STPG2: variants seen among roughly 807,000 people sequenced by gnomAD.
The protein encoded by STPG2 is sperm-tail PG-rich repeat-containing protein 2.
In STPG2, 56 loss-of-function variants were observed where a neutral mutation model predicts 54.2. That is an observed-to-expected ratio of 1.03 (90% CI 0.83 to 1.29). The LOEUF (loss-of-function observed/expected upper bound fraction) is 1.29. Among genes scored for constraint, STPG2 ranks in the 50% most tolerant of loss-of-function variants. The probability of loss-of-function intolerance (pLI) is 0.00; values close to 1 mark genes in which losing one functional copy is unlikely to be tolerated. For synonymous variants in STPG2, 200 were observed against 181.8 expected, an observed-to-expected ratio of 1.10 and a Z score of -0.81; for missense variants, 596 against 544.9, an observed-to-expected ratio of 1.09 and a Z score of -0.93.
intron 8 of STPG2, among the ~76,000 whole-genome samples, chr4:97,935,402 T>A (rs763702984): frequency 2.6e-5 from 4 of 152,162 alleles, no homozygotes; most frequent in Non-Finnish European, 5.9e-5. Context: ...CTGATCTTAG[T>A]TATTTCTTGT....
intron 10 of STPG2, among the ~76,000 whole-genome samples, chr4:97,624,008 T>C (rs1352987907): frequency 1.3e-5 from 2 of 152,210 alleles, no homozygotes; most frequent in Non-Finnish European, 2.9e-5. Flanking sequence ...ATGGTATATA[T>C]GTACCACATT....
chr4:97,821,136 T>TCAAAAA (rs1728078206), intron 9 of STPG2, among the ~76,000 whole-genome samples: 2 of 152,284 alleles, frequency 1.3e-5, no homozygotes, highest in African/African-American at 4.8e-5. Flanking sequence ...AGGTAGTTAC[T>TCAAAAA]TTAAAGGTAC....
At chr4:97,565,155 A>T (rs1033844974) in intron 10 of STPG2, among the ~76,000 whole-genome samples, 1 of 151,502 alleles carries the variant, frequency 6.6e-6, no homozygotes, top group Non-Finnish European at 1.5e-5. Context: ...TTTTCTCTAA[A>T]CTTCCCTTCT....
chr4:97,735,705 A>C (rs1317327189), intron 9 of STPG2, among the ~76,000 whole-genome samples: 2 of 150,820 alleles, frequency 1.3e-5, no homozygotes, highest in Non-Finnish European at 2.9e-5. Context: ...ATATATAAGG[A>C]TATGTGTATA....
chr4:97,688,150 T>A (rs1455497296), intron 10 of STPG2, among the ~76,000 whole-genome samples: 1 of 152,072 alleles, frequency 6.6e-6, no homozygotes. Context: ...AATTAAGAAA[T>A]CTGAAAATCT....
chr4:97,504,553 T>G (rs1304158342), intron 4 of STPG2, among the ~76,000 whole-genome samples: 2 of 151,986 alleles, frequency 1.3e-5, no homozygotes, highest in East Asian at 3.9e-4. Context: ...CTATGTTCCA[T>G]ATAACCAATT....
chr4:98,142,265 A>T (rs1238193529), intron 1 of STPG2, among the ~76,000 whole-genome samples: 1 of 152,194 alleles, frequency 6.6e-6, no homozygotes, highest in African/African-American at 2.4e-5. Flanking sequence ...AGAATAATGG[A>T]TCCTGGCATT....
At chr4:97,739,478 A>C (rs1725143558) in intron 9 of STPG2, among the ~76,000 whole-genome samples, 1 of 152,178 alleles carries the variant, frequency 6.6e-6, no homozygotes, top group Admixed American at 6.5e-5. Context: ...AAGACTAATA[A>C]AGAAGAAAAG....
At position 97,670,512 on chromosome 4, in the gene STPG2, T is replaced by C. The variant is rs183531245; in HGVS notation, c.1320+42187A>G. Among the ~76,000 whole-genome samples the C allele has an allele frequency of 2.3e-3, 351 of 152,332 alleles. 1 individual carries two copies. Among genetic ancestry groups the C allele is most frequent in the Non-Finnish European group, 4.4e-3 (296 of 68,030 alleles). On this transcript the variant is annotated intron_variant, in intron 10 of 10. Coordinates refer to ENST00000295268, the MANE Select transcript of STPG2 (RefSeq NM_174952.3). ...TGAAACTGTTTCTTAATCTCAATAG[T>C]GCAACTGGAGAAAGCATATAAGTAA... is the stretch of plus-strand genomic sequence containing the variant.
chr4:97,802,339 G>A (rs1727426844), intron 9 of STPG2, among the ~76,000 whole-genome samples: 1 of 152,082 alleles, frequency 6.6e-6, no homozygotes, highest in African/African-American at 2.4e-5. Context: ...GAGTCTCAAA[G>A]CACACACTAA....
intron 9 of STPG2, among the ~76,000 whole-genome samples, chr4:97,791,199 G>T (rs1032677279): frequency 6.6e-6 from 1 of 152,028 alleles, no homozygotes; most frequent in Non-Finnish European, 1.5e-5. Context: ...CTGTCTTTTT[G>T]AACTTTTTCC....
intron 10 of STPG2, among the ~76,000 whole-genome samples, chr4:97,703,528 A>G (rs1723844055): frequency 7.1e-6 from 1 of 140,144 alleles, no homozygotes; most frequent in African/African-American, 2.6e-5. Context: ...TATATACTAT[A>G]TATAAGTCTA....
intron 10 of STPG2, among the ~76,000 whole-genome samples, chr4:97,568,177 T>C (rs1295038807): frequency 6.6e-6 from 1 of 152,176 alleles, no homozygotes; most frequent in Non-Finnish European, 1.5e-5. Flanking sequence ...TAAAAAAAAT[T>C]AGTCCAAAAG....
At position 98,028,966 on chromosome 4, in the gene STPG2, G is replaced by C. The variant is rs550885345; in HGVS notation, c.613-47648C>G. ...CCTATGGTTTATTTGGAAGTATGTT[G>C]CTCAATTTCCAAATTATAATAATTT... is the stretch of plus-strand genomic sequence containing the variant. On this transcript the variant is annotated intron_variant, in intron 5 of 10. Coordinates refer to ENST00000295268, the MANE Select transcript of STPG2 (RefSeq NM_174952.3). Among the ~76,000 whole-genome samples, 7 of 151,944 alleles carry C rather than the reference G, an allele frequency of 4.6e-5. No homozygotes were observed. In the South Asian group the frequency reaches 1.5e-3, roughly 32 times the overall value.
chr4:97,958,064 T>G (rs1175927485), intron 7 of STPG2, among the ~76,000 whole-genome samples: 1 of 152,054 alleles, frequency 6.6e-6, no homozygotes, highest in Non-Finnish European at 1.5e-5. Flanking sequence ...ATCCCAGTAC[T>G]TTGGGAGGCA....
At chr4:97,442,419 G>GA (rs765737882) in intron 4 of STPG2, among the ~76,000 whole-genome samples, 158 of 151,882 alleles carry the variant, frequency 1.0e-3, no homozygotes, top group Non-Finnish European at 2.0e-3. Context: ...TCTAATTGTA[G>GA]AAAAAAATTG....
chr4:98,106,212 C>A (rs747167293), intron 4 of STPG2, 148 bp from the exon 5 acceptor site: 33 of 524,246 alleles, frequency 6.3e-5, no homozygotes, highest in Non-Finnish European at 7.5e-5. Flanking sequence ...CCAATATATT[C>A]AAAATTTTGT....
At chr4:97,502,708 C>T (rs978230484) in intron 4 of STPG2, among the ~76,000 whole-genome samples, 2 of 151,272 alleles carry the variant, frequency 1.3e-5, no homozygotes, top group African/African-American at 4.9e-5. Flanking sequence ...AATAGAGTTG[C>T]AAGGCAGTCT....
chr4:97,461,189 G>T lies in STPG2; in HGVS notation c.462+251510C>A, dbSNP rs574979109. ...CATTTAGTTTTACAGAATCTACCAA[G>T]TAAAGCATATGAGAGTTTCATTTTT... On this transcript the variant is annotated intron_variant, in intron 4 of 4. Transcript: ENST00000522676. Among the ~76,000 whole-genome samples the T allele has an allele frequency of 2.6e-5, 4 of 152,260 alleles. No homozygotes were observed. In the South Asian group the frequency reaches 8.3e-4, roughly 32 times the overall value.
Sources: allele counts gnomAD v4.1 joint callset (sites outside exome capture counted in the v4.1 genomes callset), GRCh38; gene constraint gnomAD v4.1.1; transcripts MANE v1.5; gene names NCBI Gene and HGNC (gene_info 2026-07-23, HGNC 2026-07-21).